ADAMTS17: variants seen among roughly 807,000 people sequenced by gnomAD.
The protein encoded by ADAMTS17 is ADAM metallopeptidase with thrombospondin type 1 motif 17.
ADAMTS17 carries 113 observed loss-of-function variants against 141.5 expected under a neutral mutation model. That is an observed-to-expected ratio of 0.80 (90% CI 0.69 to 0.93). The LOEUF (loss-of-function observed/expected upper bound fraction) is 0.93, where lower values mean the gene tolerates loss of function less well. Ranked by LOEUF, ADAMTS17 falls within the 40% of genes least tolerant of loss-of-function variation. The pLI is 0.00. For synonymous variants in ADAMTS17, 768 were observed against 630.6 expected, an observed-to-expected ratio of 1.22 and a Z score of -3.27; for missense variants, 1,659 against 1,517.9, an observed-to-expected ratio of 1.09 and a Z score of -1.54.
Position 99,993,197 on chromosome 15 carries a change from A to G in ADAMTS17, c.2800T>C (p.Ser934Pro). The change falls in exon 20 of 22, where the codon TCT becomes CCT. Residue 934 changes from serine (S) to proline (P), a missense_variant. Physicochemically the swap from Ser to Pro is moderately conservative, Grantham distance 74. Coordinates refer to ENST00000268070, the MANE Select transcript of ADAMTS17 (RefSeq NM_139057.4). The surrounding 1 kb of genome is among the most constrained non-coding windows in gnomAD (Gnocchi z 4.3). ...IWEASEWSQC[S>P]ASCGKGVWKR... ...CACACCCCTTTACCACAGCTGGCAG[A>G]GCACTGCAAGACACCATTCAAATAT... 1 of 1,614,150 alleles carries G rather than the reference A, an allele frequency of 6.2e-7. No individual in the cohort carries two copies. Among genetic ancestry groups the G allele is most frequent in the Non-Finnish European group, 8.5e-7 (1 of 1,180,036 alleles).
At chr15:100,284,527 A>C (rs1567485793) in intron 3 of ADAMTS17, among the ~76,000 whole-genome samples, 1 of 152,164 alleles carries the variant, frequency 6.6e-6, no homozygotes, top group Non-Finnish European at 1.5e-5. Context: ...GAGACCGTGG[A>C]CTTGCATTCC....
At chr15:100,122,319 TC>T (rs2037491346) in intron 12 of ADAMTS17, among the ~76,000 whole-genome samples, 1 of 152,248 alleles carries the variant, frequency 6.6e-6, no homozygotes, top group African/African-American at 2.4e-5. Context: ...CTGATTTTCT[TC>T]AGTTTTAAGT....
chr15:100,124,284 C>T (rs1424044038), intron 12 of ADAMTS17, among the ~76,000 whole-genome samples: 2 of 152,154 alleles, frequency 1.3e-5, no homozygotes, highest in Non-Finnish European at 2.9e-5. Flanking sequence ...GACTCCTAAA[C>T]GTGAATAAAA....
intron 12 of ADAMTS17, among the ~76,000 whole-genome samples, chr15:100,122,250 A>T (rs551619276): frequency 1.3e-5 from 2 of 152,220 alleles, no homozygotes; most frequent in Admixed American, 1.3e-4. Flanking sequence ...TACTCCAACC[A>T]CCTGTTATAG....
chr15:100,322,173 A>G lies in ADAMTS17; in HGVS notation c.616+8716T>C, dbSNP rs2045751881. 2.0e-5 allele frequency among the ~76,000 whole-genome samples: 3 copies of G among 152,240 alleles called. No individual in the cohort carries two copies. The South Asian group carries it at 6.2e-4, about 31-fold the overall frequency. ...CAGGAGACTGAGGGAAGGCCTGGTC[A>G]GTGCCATGCAGAAGGGGTAACGCTC... On this transcript the variant is annotated intron_variant, in intron 3 of 21. Transcript: ENST00000268070.
intron 7 of ADAMTS17, among the ~76,000 whole-genome samples, chr15:100,208,282 A>G (rs767495401): frequency 6.6e-6 from 1 of 152,268 alleles, no homozygotes; most frequent in Non-Finnish European, 1.5e-5. Context: ...AAATGCAGCA[A>G]GCCAGAAACA....
In ADAMTS17 at chr15:100,173,989, C is replaced by T. The variant is rs117446747; in HGVS notation, c.1182-18669G>A. On this transcript the variant is annotated intron_variant, in intron 8 of 21. Transcript: ENST00000268070. ...GCTTTCTCCTACTCTGAGCTGAGAT[C>T]CACCTTCACACATCTTCCAGGCACA... Among the ~76,000 whole-genome samples, 14 of 152,330 alleles carry T rather than the reference C, an allele frequency of 9.2e-5. No homozygotes were observed. The East Asian group carries it at 2.3e-3, about 25-fold the overall frequency.
intron 8 of ADAMTS17, among the ~76,000 whole-genome samples, chr15:100,179,456 CTT>C (rs1487255620): frequency 2.0e-5 from 3 of 152,152 alleles, no homozygotes; most frequent in Non-Finnish European, 4.4e-5. Context: ...TTGATGAACA[CTT>C]TGGTTGCTTC....
chr15:100,213,739 T>C (rs2041881784), intron 7 of ADAMTS17, among the ~76,000 whole-genome samples: 4 of 152,194 alleles, frequency 2.6e-5, no homozygotes. Flanking sequence ...CCTTTGAGTA[T>C]CAAACATCAG....
At chr15:100,221,126 C>G (rs112008739) in intron 7 of ADAMTS17, among the ~76,000 whole-genome samples, 1 of 151,968 alleles carries the variant, frequency 6.6e-6, no homozygotes, top group African/African-American at 2.4e-5. Context: ...ACCAGTTTGA[C>G]GGGCAAACGC....
intron 6 of ADAMTS17, among the ~76,000 whole-genome samples, chr15:100,260,614 CAA>C (rs5814957): frequency 0.48 from 69,290 of 143,818 alleles, 16,590 homozygotes; most frequent in East Asian, 0.58. Context: ...GACTCCATCT[CAA>C]AAAAAAAAAA....
At chr15:99,981,596 T>A (rs1284624253) in intron 20 of ADAMTS17, among the ~76,000 whole-genome samples, 1 of 152,172 alleles carries the variant, frequency 6.6e-6, no homozygotes, top group African/African-American at 2.4e-5. Context: ...GATGCTTCCA[T>A]GTGTTAGGTG....
chr15:100,122,242 C>G (rs1026360583), intron 12 of ADAMTS17, among the ~76,000 whole-genome samples: 12 of 152,198 alleles, frequency 7.9e-5, no homozygotes, highest in African/African-American at 2.9e-4. Context: ...GTTCCCATTA[C>G]TCCAACCACC....
intron 8 of ADAMTS17, among the ~76,000 whole-genome samples, chr15:100,192,887 C>T (rs2040970638): frequency 1.3e-5 from 2 of 152,158 alleles, no homozygotes; most frequent in African/African-American, 4.8e-5. Flanking sequence ...CCATCACTCC[C>T]CCAGACATGT....
intron 7 of ADAMTS17, among the ~76,000 whole-genome samples, chr15:100,208,390 G>A (rs950401482): frequency 1.3e-5 from 2 of 152,176 alleles, no homozygotes; most frequent in African/African-American, 4.8e-5. Flanking sequence ...CCAAGGAAGT[G>A]GGTACCTGTG....
chr15:99,983,689 G>C (rs916586145), intron 20 of ADAMTS17, among the ~76,000 whole-genome samples: 1 of 152,132 alleles, frequency 6.6e-6, no homozygotes, highest in African/African-American at 2.4e-5. Flanking sequence ...CCCCGCACTG[G>C]GTCTGGGGTG....
chr15:100,211,298 CA>C (rs11323381), intron 7 of ADAMTS17, among the ~76,000 whole-genome samples: 56,797 of 93,822 alleles, frequency 0.61, 15,511 homozygotes, highest in South Asian at 0.66. Context: ...AACTTCATCT[CA>C]AAAAAAAAAA....
chr15:100,054,837 G>T (rs762501020), intron 15 of ADAMTS17, among the ~76,000 whole-genome samples: 1 of 152,162 alleles, frequency 6.6e-6, no homozygotes. Context: ...CTGCTGACGG[G>T]CCATAAGCAG....
intron 7 of ADAMTS17, among the ~76,000 whole-genome samples, chr15:100,251,168 A>G (rs117091181): frequency 0.015 from 2,264 of 152,312 alleles, 23 homozygotes; most frequent in Middle Eastern, 0.051. Flanking sequence ...GGATCAGGAG[A>G]TAGGCTGGTT....
Sources: allele counts gnomAD v4.1 joint callset (sites outside exome capture counted in the v4.1 genomes callset), GRCh38; gene constraint gnomAD v4.1.1; non-coding constraint Gnocchi (gnomAD v3.1); transcripts MANE v1.5; gene names NCBI Gene and HGNC (gene_info 2026-07-23, HGNC 2026-07-21).